The following PTPRN2 variants were observed in gnomAD, a reference collection of about 807,000 sequenced individuals.
The protein encoded by PTPRN2 is receptor-type tyrosine-protein phosphatase N2.
PTPRN2 carries 74 observed loss-of-function variants against 118.8 expected under a neutral mutation model. That is an observed-to-expected ratio of 0.62 (90% confidence interval 0.52 to 0.76). The LOEUF (loss-of-function observed/expected upper bound fraction) is 0.76. PTPRN2 is among the 30% of genes least tolerant of loss of function. The pLI, the probability that PTPRN2 is intolerant of heterozygous loss-of-function variation, is 0.00. For missense variants in PTPRN2, 1,481 were observed against 1,394.4 expected (o/e 1.06, Z -0.99); for synonymous variants, 641 against 608.0 (o/e 1.05, Z -0.80).
chr7:158,292,656 C>G (rs1463649484), intron 3 of PTPRN2, among the ~76,000 whole-genome samples: 1 of 152,216 alleles, frequency 6.6e-6, no homozygotes, highest in Non-Finnish European at 1.5e-5. Flanking sequence ...CCCATTGTGC[C>G]TAGGCTACAA....
intron 12 of PTPRN2, among the ~76,000 whole-genome samples, chr7:157,830,737 C>T (rs7779750): frequency 0.14 from 20,648 of 152,202 alleles, 2,644 homozygotes; most frequent in African/African-American, 0.33. Context: ...AAAACTAAAA[C>T]GTAAAGGTAG....
Position 158,033,611 on chromosome 7 carries a change from G to A in PTPRN2, c.1723+47687C>T, listed in dbSNP as rs145016757. 5.0e-3 allele frequency among the ~76,000 whole-genome samples: 755 copies of A among 152,312 alleles called. 6 individuals are homozygous for A. The highest frequency in any genetic ancestry group is 0.01 in the Middle Eastern group (3 of 294). On this transcript the variant is annotated intron_variant, in intron 11 of 22. Transcript: ENST00000389418. The stretch of plus-strand genomic sequence containing the variant: ...AGGGCTGGTGGGTGGGTTAAAGCTT[G>A]TGGCCAATGGTTCAATCCCTCACAC...
At chr7:158,216,947 G>C (rs117671295) in intron 3 of PTPRN2, among the ~76,000 whole-genome samples, 2,353 of 152,192 alleles carry the variant, frequency 0.015, 37 homozygotes, top group Middle Eastern at 0.037. Flanking sequence ...AAAGATAATG[G>C]GGAAATATAA....
At chr7:158,105,475 C>T (rs2150356667) in intron 10 of PTPRN2, among the ~76,000 whole-genome samples, 1 of 151,466 alleles carries the variant, frequency 6.6e-6, no homozygotes, top group East Asian at 1.9e-4. Context: ...TCACCCTCAT[C>T]CCAGCTCCAT....
chr7:158,507,852 G>A (rs1822876625), intron 1 of PTPRN2, among the ~76,000 whole-genome samples: 1 of 146,532 alleles, frequency 6.8e-6, no homozygotes, highest in South Asian at 2.2e-4. Flanking sequence ...AGTGAGGACT[G>A]CCCAGGGGAT....
At chr7:157,675,275 G>T (rs751524443) in intron 13 of PTPRN2, among the ~76,000 whole-genome samples, 1 of 152,092 alleles carries the variant, frequency 6.6e-6, no homozygotes, top group Non-Finnish European at 1.5e-5. Context: ...CCCTCCTGCC[G>T]AGCCCTCACC....
intron 1 of PTPRN2, among the ~76,000 whole-genome samples, chr7:158,548,791 G>A (rs1463412354): frequency 2.0e-5 from 3 of 152,242 alleles, no homozygotes; most frequent in African/African-American, 7.2e-5. Context: ...CTAGAGGGGA[G>A]GCAGGAGCCG....
At chr7:157,667,988 G>A (rs997146206) in intron 13 of PTPRN2, among the ~76,000 whole-genome samples, 3 of 152,198 alleles carry the variant, frequency 2.0e-5, no homozygotes, top group Non-Finnish European at 2.9e-5. Flanking sequence ...TGCACCCAGA[G>A]CCCCCACCCT....
intron 12 of PTPRN2, among the ~76,000 whole-genome samples, chr7:157,846,826 T>A (rs1206918091): frequency 6.6e-6 from 1 of 151,348 alleles, no homozygotes; most frequent in Non-Finnish European, 1.5e-5. Context: ...TCTCACTCCA[T>A]CATGCGTGCC....
At chr7:158,344,508 C>T (rs529194767) in intron 2 of PTPRN2, among the ~76,000 whole-genome samples, 14 of 148,240 alleles carry the variant, frequency 9.4e-5, no homozygotes, top group Admixed American at 4.7e-4. Flanking sequence ...TAATTATACT[C>T]GCCGGCATTT....
At chr7:157,938,028 A>C (rs1799825519) in intron 11 of PTPRN2, among the ~76,000 whole-genome samples, 1 of 152,190 alleles carries the variant, frequency 6.6e-6, no homozygotes, top group Non-Finnish European at 1.5e-5. Context: ...AGCAGAGTGC[A>C]TGGTGGGGCC....
chr7:158,249,720 C>T (rs1018452281), intron 3 of PTPRN2, among the ~76,000 whole-genome samples: 2 of 152,210 alleles, frequency 1.3e-5, no homozygotes, highest in Admixed American at 6.5e-5. Context: ...AAAGCCCCAT[C>T]CCCTGGGGAC....
Position 157,540,881 on chromosome 7 carries a change from C to T in PTPRN2, c.2977-96G>A, listed in dbSNP as rs1017939940. ...CCCTGCAGATGAAAGCGGCGTCCCCCCTTCCCAACGCAGCATCAGCTCCCC... is the reference window on the plus strand; with the variant it reads ...CCCTGCAGATGAAAGCGGCGTCCCCTCTTCCCAACGCAGCATCAGCTCCCC... On this transcript the variant is annotated intron_variant, in intron 22 of 22. Coordinates refer to ENST00000389418, the MANE Select transcript of PTPRN2 (RefSeq NM_002847.5). 2.4e-5 allele frequency: 24 copies of T among 1,002,882 alleles called. No homozygotes were observed. In the South Asian group the frequency reaches 3.5e-4, roughly 14 times the overall value. The allele number at this position is 1,002,882 out of a possible 1,614,324, so 62.1% of individuals were successfully genotyped here. A position where few individuals can be genotyped will look rare whatever the true frequency, so the allele number is the denominator to read the frequency against.
chr7:157,943,072 T>C (rs532229995), intron 11 of PTPRN2, among the ~76,000 whole-genome samples: 164 of 152,274 alleles, frequency 1.1e-3, no homozygotes, highest in African/African-American at 3.7e-3. Flanking sequence ...GCTTAAAAAT[T>C]TGGCCCCAGG....
chr7:158,494,533 C>T (rs1385754755), intron 1 of PTPRN2, among the ~76,000 whole-genome samples: 1 of 152,234 alleles, frequency 6.6e-6, no homozygotes, highest in Non-Finnish European at 1.5e-5. Context: ...GCACCGGCAC[C>T]TGTTGCCTCC....
intron 12 of PTPRN2, among the ~76,000 whole-genome samples, chr7:157,776,877 C>G (rs1174915447): frequency 3.7e-5 from 2 of 54,502 alleles, no homozygotes; most frequent in Non-Finnish European, 7.4e-5. Context: ...CTCCTCCTCC[C>G]TCTCCTCCTC....
At chr7:157,955,310 C>A (rs2128805239) in intron 11 of PTPRN2, among the ~76,000 whole-genome samples, 1 of 152,070 alleles carries the variant, frequency 6.6e-6, no homozygotes, top group Non-Finnish European at 1.5e-5. Context: ...TTCCAAGGAA[C>A]ACAGGGGAGG....
intron 2 of PTPRN2, among the ~76,000 whole-genome samples, chr7:158,408,357 ATCT>A (rs1342663842): frequency 6.6e-6 from 1 of 152,250 alleles, no homozygotes; most frequent in African/African-American, 2.4e-5. Flanking sequence ...CCTAGGCCAA[ATCT>A]TCTTAAGGAG....
intron 7 of PTPRN2, 34 bp from the exon 8 acceptor site, chr7:158,136,729 T>A: frequency 1.2e-6 from 2 of 1,604,114 alleles, no homozygotes; most frequent in Non-Finnish European, 1.7e-6. Flanking sequence ...AAGACCCTCA[T>A]CAAGAATGTC....
Sources: allele counts gnomAD v4.1 joint callset (sites outside exome capture counted in the v4.1 genomes callset), GRCh38; gene constraint gnomAD v4.1.1; transcripts MANE v1.5; gene names NCBI Gene and HGNC (gene_info 2026-07-23, HGNC 2026-07-21).